CADM2: variants seen among roughly 807,000 people sequenced by gnomAD.
CADM2 encodes the protein immunoglobulin superfamily member 4D.
In CADM2, 12 loss-of-function variants were observed where a neutral mutation model predicts 49.8. That is an observed-to-expected ratio of 0.24 (90% CI 0.15 to 0.39). CADM2 has a LOEUF of 0.39. Among genes scored for constraint, CADM2 ranks in the 10% least tolerant of loss-of-function variants. The pLI, the probability that CADM2 is intolerant of heterozygous loss-of-function variation, is 1.00. For synonymous variants in CADM2, 214 were observed against 175.4 expected, an observed-to-expected ratio of 1.22 and a Z score of -1.74; for missense variants, 378 against 492.3, an observed-to-expected ratio of 0.77 and a Z score of 2.20.
Position 84,983,632 on chromosome 3 carries a change from G to T in CADM2, c.61+23964G>T, listed in dbSNP as rs2032346939. ...CAAGCGGGGAATTAGGAAACGAAGAGAAGTGCTCTATACACAATGGCCTTC... is the reference window on the plus strand; with the variant it reads ...CAAGCGGGGAATTAGGAAACGAAGATAAGTGCTCTATACACAATGGCCTTC... On this transcript the variant is annotated intron_variant, in intron 1 of 9. Coordinates refer to ENST00000383699, the MANE Select transcript of CADM2 (RefSeq NM_001167675.2). Among the ~76,000 whole-genome samples the T allele has an allele frequency of 3.3e-5, 5 of 152,052 alleles. No homozygotes were observed. In the South Asian group the frequency reaches 1.0e-3, roughly 31 times the overall value.
Position 86,067,023 on chromosome 3 carries a change from C to T in CADM2, c.*240C>T. 1 of 486,588 alleles carries T rather than the reference C, an allele frequency of 2.1e-6. No individual in the cohort carries two copies. Among genetic ancestry groups the T allele is most frequent in the Non-Finnish European group, 3.7e-6 (1 of 270,170 alleles). The allele number at this position is 486,588 out of a possible 1,614,324, so 30.1% of individuals were successfully genotyped here. On this transcript the variant is annotated 3_prime_UTR_variant, in exon 10 of 10. Coordinates refer to ENST00000383699, the MANE Select transcript of CADM2 (RefSeq NM_001167675.2). ...AAATTTCACACCATTGCTCTTTTAA[C>T]ATACAGTGCTTGAATATACAGCCTT...
At chr3:85,235,965 T>C (rs751950576) in intron 1 of CADM2, among the ~76,000 whole-genome samples, 2 of 152,144 alleles carry the variant, frequency 1.3e-5, no homozygotes, top group African/African-American at 2.4e-5. Context: ...TCTGTATCTG[T>C]TGTTATCAGC....
At chr3:85,907,747 CA>C (rs947006956) in intron 5 of CADM2, among the ~76,000 whole-genome samples, 3 of 151,870 alleles carry the variant, frequency 2.0e-5, no homozygotes, top group African/African-American at 7.3e-5. Context: ...TCCGTCTCTA[CA>C]AAAAATGCAA....
intron 1 of CADM2, among the ~76,000 whole-genome samples, chr3:85,299,263 T>C (rs1160450906): frequency 1.3e-5 from 2 of 152,110 alleles, no homozygotes; most frequent in Non-Finnish European, 2.9e-5. Flanking sequence ...GTTTTTTTCA[T>C]AAGATTAAAA....
intron 5 of CADM2, among the ~76,000 whole-genome samples, chr3:85,903,349 C>T (rs944228667): frequency 2.6e-5 from 4 of 151,736 alleles, no homozygotes; most frequent in African/African-American, 7.3e-5. Context: ...TGTTTTAGCC[C>T]AACTTTCCTT....
chr3:86,066,960 A>T lies in CADM2; in HGVS notation c.*177A>T. 1 of 604,458 alleles carries T rather than the reference A, an allele frequency of 1.7e-6. No individual in the cohort carries two copies. Among genetic ancestry groups the T allele is most frequent in the Non-Finnish European group, 3.0e-6 (1 of 338,190 alleles). 37.4% of individuals were successfully genotyped at this position (604,458 alleles called of 1,614,324 possible). On this transcript the variant is annotated 3_prime_UTR_variant, in exon 10 of 10. Transcript: ENST00000383699. Reference sequence around the variant, plus strand: ...CTGTTGAAAGCATCATTCTTTAATTACTGTACCATCCATAATGCAGGACAT... The same window carrying T: ...CTGTTGAAAGCATCATTCTTTAATTTCTGTACCATCCATAATGCAGGACAT...
chr3:85,507,568 A>G (rs1160611575), intron 1 of CADM2, among the ~76,000 whole-genome samples: 6 of 152,302 alleles, frequency 3.9e-5, no homozygotes, highest in South Asian at 2.1e-4. Flanking sequence ...TGAAATCCAT[A>G]TGATCTGTCA....
At chr3:85,558,328 G>A (rs2062012487) in intron 1 of CADM2, among the ~76,000 whole-genome samples, 1 of 151,922 alleles carries the variant, frequency 6.6e-6, no homozygotes, top group Admixed American at 6.6e-5. Context: ...AGCTTTCATA[G>A]TTTGCAGCAA....
chr3:85,578,658 A>C (rs1394673723), intron 1 of CADM2, among the ~76,000 whole-genome samples: 1 of 152,220 alleles, frequency 6.6e-6, no homozygotes, highest in Non-Finnish European at 1.5e-5. Flanking sequence ...ATACAACCTG[A>C]TAGTACTTGT....
intron 1 of CADM2, among the ~76,000 whole-genome samples, chr3:85,435,259 C>T (rs2036872442): frequency 6.6e-6 from 1 of 152,004 alleles, no homozygotes; most frequent in African/African-American, 2.4e-5. Context: ...TGAGTGAGGA[C>T]ATGTGGTGTT....
chr3:85,736,214 C>T (rs2068127641), intron 2 of CADM2, among the ~76,000 whole-genome samples: 1 of 152,090 alleles, frequency 6.6e-6, no homozygotes, highest in Admixed American at 6.6e-5. Context: ...AAATGCTCTT[C>T]ATAAGTCAAG....
At chr3:85,588,495 G>A (rs1006621609) in intron 1 of CADM2, among the ~76,000 whole-genome samples, 13 of 152,040 alleles carry the variant, frequency 8.6e-5, no homozygotes, top group Admixed American at 6.6e-5. Flanking sequence ...ATTTAATAAT[G>A]TATTCTTCAT....
chr3:85,779,982 T>G (rs1577295036), intron 2 of CADM2, among the ~76,000 whole-genome samples: 1 of 152,138 alleles, frequency 6.6e-6, no homozygotes, highest in Non-Finnish European at 1.5e-5. Flanking sequence ...CATCTAGTGG[T>G]CCAATTGGAG....
chr3:85,159,477 G>C (rs2040247951), intron 1 of CADM2, among the ~76,000 whole-genome samples: 1 of 152,196 alleles, frequency 6.6e-6, no homozygotes, highest in African/African-American at 2.4e-5. Flanking sequence ...AATTTGGTGA[G>C]TCAGCTCCTC....
intron 1 of CADM2, among the ~76,000 whole-genome samples, chr3:85,306,717 G>A (rs999267400): frequency 6.6e-6 from 1 of 151,656 alleles, no homozygotes; most frequent in African/African-American, 2.4e-5. Flanking sequence ...AGCTGAATTT[G>A]TTCAGAAGTA....
At chr3:85,439,452 C>T (rs564507521) in intron 1 of CADM2, among the ~76,000 whole-genome samples, 1 of 152,062 alleles carries the variant, frequency 6.6e-6, no homozygotes, top group African/African-American at 2.4e-5. Context: ...TGTGCCCGGC[C>T]AATGACTTGA....
intron 5 of CADM2, among the ~76,000 whole-genome samples, chr3:85,908,200 G>T (rs1299452075): frequency 1.4e-5 from 2 of 143,102 alleles, no homozygotes; most frequent in Non-Finnish European, 1.5e-5. Flanking sequence ...ATGATATTTT[G>T]TGAAAAAAAA....
chr3:85,021,465 T>G (rs1041594278), intron 1 of CADM2, among the ~76,000 whole-genome samples: 18 of 151,930 alleles, frequency 1.2e-4, no homozygotes, highest in South Asian at 2.1e-4. Context: ...TGTTGTTGTT[T>G]TTTCCTCCCT....
intron 3 of CADM2, among the ~76,000 whole-genome samples, chr3:85,856,856 T>C (rs1248266854): frequency 6.6e-6 from 1 of 152,180 alleles, no homozygotes; most frequent in African/African-American, 2.4e-5. Flanking sequence ...TAAAAAGTTA[T>C]TTTCTCCCAT....
Sources: gnomAD v4.1 joint callset for allele counts (sites outside exome capture counted in the v4.1 genomes callset) on GRCh38, gnomAD v4.1.1 for gene constraint, MANE v1.5 for transcripts, NCBI Gene and HGNC (gene_info 2026-07-23, HGNC 2026-07-21) for gene names.